Variants in EFNB2 observed in about 807,000 individuals in gnomAD.
The protein encoded by EFNB2 is ephrin-B2.
A neutral mutation model predicts 32.1 loss-of-function variants in EFNB2; 5 were observed. That is an observed-to-expected ratio of 0.16 (90% CI 0.08 to 0.33). The LOEUF (loss-of-function observed/expected upper bound fraction) is 0.33, where lower values mean the gene tolerates loss of function less well. Ranked by LOEUF, EFNB2 falls within the 10% of genes least tolerant of loss-of-function variation. The pLI is 1.00. For synonymous variants in EFNB2, 168 were observed against 166.5 expected (o/e 1.01, Z -0.07); for missense variants, 263 against 422.6 (o/e 0.62, Z 3.31).
Position 106,517,074 on chromosome 13 carries a change from T to C in EFNB2, c.123-4262A>G, listed in dbSNP as rs182457043. 5 of 152,308 alleles carry C rather than the reference T, an allele frequency of 3.3e-5. No individual in the cohort carries two copies. The East Asian group carries it at 5.8e-4, about 18-fold the overall frequency. The allele number at this position is 152,308 out of a possible 1,614,324, so 9.4% of individuals were successfully genotyped here. On this transcript the variant is annotated intron_variant, in intron 1 of 4. Transcript: ENST00000646441. ...TTGATTGCTTAGACACATTAACAAA[T>C]CAAACTACACAGCACATCTATCTAT...
chr13:106,494,417 T>C (rs1878521280), intron 4 of EFNB2, among the ~76,000 whole-genome samples: 1 of 152,198 alleles, frequency 6.6e-6, no homozygotes, highest in Non-Finnish European at 1.5e-5. Flanking sequence ...TGAAACAAAA[T>C]AACGATAACC....
At chr13:106,503,104 C>T (rs182212897) in intron 2 of EFNB2, among the ~76,000 whole-genome samples, 47 of 152,226 alleles carry the variant, frequency 3.1e-4, no homozygotes, top group African/African-American at 1.1e-3. Context: ...TTTATTTCCC[C>T]TCAAACTATT....
In EFNB2 at chr13:106,514,710, C is replaced by T. The variant is rs540589832; in HGVS notation, c.123-1898G>A. 1.6e-4 allele frequency among the ~76,000 whole-genome samples: 24 copies of T among 152,312 alleles called. No individual in the cohort carries two copies. The South Asian group carries it at 5.0e-3, about 32-fold the overall frequency. On this transcript the variant is annotated intron_variant, in intron 1 of 4. Transcript: ENST00000646441. ...ATTCCTGCCTAGGGTTTCTCATACA[C>T]TCCAAACCTTTTCTATCCTTAATCT...
At chr13:106,532,822 T>TGG (rs142677050) in intron 1 of EFNB2, among the ~76,000 whole-genome samples, 343 of 139,118 alleles carry the variant, frequency 2.5e-3, no homozygotes, top group South Asian at 8.0e-3. Flanking sequence ...ATCATCAGAA[T>TGG]GGGGGGGGGG....
intron 2 of EFNB2, among the ~76,000 whole-genome samples, chr13:106,512,072 T>C (rs779762356): frequency 6.6e-6 from 1 of 152,154 alleles, no homozygotes; most frequent in South Asian, 2.1e-4. Flanking sequence ...GAGGAAAACA[T>C]GCTATTTTAC....
intron 2 of EFNB2, among the ~76,000 whole-genome samples, chr13:106,508,337 T>C (rs1421466208): frequency 6.6e-6 from 1 of 151,970 alleles, no homozygotes; most frequent in Non-Finnish European, 1.5e-5. Context: ...AGTTATTTCA[T>C]GAACATTAAA....
chr13:106,532,825 G>GC (rs973372868), intron 1 of EFNB2, among the ~76,000 whole-genome samples: 1 of 151,716 alleles, frequency 6.6e-6, no homozygotes, highest in Admixed American at 6.6e-5. Flanking sequence ...ATCAGAATGG[G>GC]GGGGGGGAGT....
At chr13:106,534,247 CGAGT>C in intron 1 of EFNB2, among the ~76,000 whole-genome samples, 1 of 152,316 alleles carries the variant, frequency 6.6e-6, no homozygotes, top group East Asian at 1.9e-4. Flanking sequence ...GCTCGACGCC[CGAGT>C]TCTCCTGCGA....
intron 1 of EFNB2, among the ~76,000 whole-genome samples, chr13:106,530,488 G>A (rs939568612): frequency 6.6e-5 from 10 of 152,206 alleles, no homozygotes; most frequent in African/African-American, 1.9e-4. Flanking sequence ...AGCAAAGGCA[G>A]GCAGAGATTA....
chr13:106,532,994 ATAGT>A (rs1167012448), intron 1 of EFNB2, among the ~76,000 whole-genome samples: 5 of 152,144 alleles, frequency 3.3e-5, no homozygotes, highest in Non-Finnish European at 5.9e-5. Context: ...ACACAAACTA[ATAGT>A]TAATATAGCG....
chr13:106,503,640 G>C (rs1306868446), intron 2 of EFNB2, among the ~76,000 whole-genome samples: 7 of 152,190 alleles, frequency 4.6e-5, no homozygotes, highest in Non-Finnish European at 8.8e-5. Flanking sequence ...CATGCTGTTT[G>C]CAAGCAGTTG....
chr13:106,493,222 T>G lies in EFNB2; in HGVS notation c.820A>C (p.Thr274Pro). Residue 274 changes from threonine to proline, a missense_variant, in exon 5 of 5, where the codon ACA (threonine) becomes CCA (proline). Around this residue, in one of 3 missense-constraint regions of EFNB2, gnomAD observed 172 missense variants for 237.1 expected, o/e 0.73. Transcript: ENST00000646441. This position sits in a 1 kb window ranked among gnomAD's most constrained non-coding sequence, Gnocchi z 6.1. ...TTTLSLSTLA[T>P]PKRSGNNNGS... ...TTGTTGTTGCCGCTGCGCTTGGGTGTGGCCAGTGTGCTGAGCGACAGCGTG... is the reference window on the plus strand; with the variant it reads ...TTGTTGTTGCCGCTGCGCTTGGGTGGGGCCAGTGTGCTGAGCGACAGCGTG... 6.2e-7 allele frequency: 1 copy of G among 1,614,220 alleles called. No homozygotes were observed. The highest frequency in any genetic ancestry group is 2.2e-5 in the East Asian group (1 of 44,880).
Position 106,492,637 on chromosome 13 carries a change from C to G in EFNB2, c.*403G>C, listed in dbSNP as rs1183630062. 1 of 190,686 alleles carries G rather than the reference C, an allele frequency of 5.2e-6. No homozygotes were observed. The highest frequency in any genetic ancestry group is 2.3e-5 in the African/African-American group (1 of 43,376). 11.8% of individuals were successfully genotyped at this position (190,686 alleles called of 1,614,324 possible). A position where few individuals can be genotyped will look rare whatever the true frequency, so the allele number is the denominator to read the frequency against. ...GTATGCACTGCGGGGGAAATGCACC[C>G]CAGGCAGAAGCCGGCCCTTCCAGGC... On this transcript the variant is annotated 3_prime_UTR_variant, in exon 5 of 5. Coordinates refer to ENST00000646441, the MANE Select transcript of EFNB2 (RefSeq NM_004093.4). The surrounding 1 kb of genome is among the most constrained non-coding windows in gnomAD (Gnocchi z 5.1).
intron 1 of EFNB2, among the ~76,000 whole-genome samples, chr13:106,524,164 G>A (rs1416506198): frequency 6.6e-6 from 1 of 151,994 alleles, no homozygotes; most frequent in Non-Finnish European, 1.5e-5. Flanking sequence ...AGATTCAAAG[G>A]TTCCATTTAA....
rs1878363919 is a variant in EFNB2 at position 106,490,538 on chromosome 13, A to G, written c.*2502T>C. The G allele has an allele frequency of 6.6e-6, 1 of 152,144 alleles. No homozygotes were observed. The highest frequency in any genetic ancestry group is 1.5e-5 in the Non-Finnish European group (1 of 68,028). The allele number at this position is 152,144 out of a possible 1,614,324, so 9.4% of individuals were successfully genotyped here. A position where few individuals can be genotyped will look rare whatever the true frequency, so the allele number is the denominator to read the frequency against. On this transcript the variant is annotated 3_prime_UTR_variant, in exon 5 of 5. Coordinates refer to ENST00000646441, the MANE Select transcript of EFNB2 (RefSeq NM_004093.4). ...CATAGAACCAAAACGTAGCCAACTG[A>G]TGATACATACATTTGATTTCATTAA... is the stretch of plus-strand genomic sequence containing the variant.
chr13:106,512,882 G>C (rs1879189229), intron 1 of EFNB2, 70 bp from the exon 2 acceptor site: 3 of 1,301,134 alleles, frequency 2.3e-6, no homozygotes, highest in Non-Finnish European at 3.1e-6. Context: ...TTACAAGATA[G>C]CCAGGCAATG....
chr13:106,508,240 C>T (rs1272592836), intron 2 of EFNB2, among the ~76,000 whole-genome samples: 2 of 152,102 alleles, frequency 1.3e-5, no homozygotes, highest in East Asian at 1.9e-4. Context: ...ATAAAGGCTA[C>T]GAACACAAGA....
At chr13:106,523,813 G>C (rs977964092) in intron 1 of EFNB2, among the ~76,000 whole-genome samples, 1 of 152,146 alleles carries the variant, frequency 6.6e-6, no homozygotes, top group South Asian at 2.1e-4. Context: ...TGACAAGCTG[G>C]AAGCTGGCAC....
chr13:106,519,402 G>T (rs1421225360), intron 1 of EFNB2: 1 of 152,110 alleles, frequency 6.6e-6, no homozygotes, highest in East Asian at 1.9e-4. Context: ...ATGGATGCTG[G>T]TGCAAGTGTG....
Sources: allele counts gnomAD v4.1 joint callset (sites outside exome capture counted in the v4.1 genomes callset), GRCh38; gene constraint gnomAD v4.1.1; regional missense constraint gnomAD v4.1.1; non-coding constraint Gnocchi (gnomAD v3.1); transcripts MANE v1.5; gene names NCBI Gene and HGNC (gene_info 2026-07-23, HGNC 2026-07-21).